WWOX: variants seen among roughly 807,000 people sequenced by gnomAD.
WWOX encodes WW domain containing oxidoreductase.
WWOX carries 69 observed loss-of-function variants against 46.2 expected under a neutral mutation model. The ratio of observed to expected loss-of-function variants is 1.49; its 90% CI spans 1.23 to 1.82. The LOEUF (loss-of-function observed/expected upper bound fraction) is 1.82, where lower values mean the gene tolerates loss of function less well. Ranked by LOEUF, WWOX falls within the 40% of genes most tolerant of loss-of-function variation. The pLI is 0.00. For synonymous variants in WWOX, 359 were observed against 202.6 expected (o/e 1.77, Z -6.56); for missense variants, 919 against 542.6 (o/e 1.69, Z -6.89).
At chr16:79,177,474 C>A (rs1055599569) in intron 8 of WWOX, among the ~76,000 whole-genome samples, 1 of 152,162 alleles carries the variant, frequency 6.6e-6, no homozygotes, top group Non-Finnish European at 1.5e-5. Context: ...AAAAGCAACC[C>A]AACAAAGCTT....
intron 8 of WWOX, among the ~76,000 whole-genome samples, chr16:79,011,935 T>G (rs998260541): frequency 2.0e-5 from 3 of 152,224 alleles, no homozygotes; most frequent in Non-Finnish European, 4.4e-5. Context: ...ATTTCAGGCA[T>G]GAGCCACTGT....
chr16:78,158,984 A>G (rs1322659025), intron 4 of WWOX, among the ~76,000 whole-genome samples: 1 of 151,912 alleles, frequency 6.6e-6, no homozygotes, highest in African/African-American at 2.4e-5. Context: ...TGCCTCTATG[A>G]GTTTGAGTGT....
intron 8 of WWOX, among the ~76,000 whole-genome samples, chr16:78,629,804 C>T (rs2046386504): frequency 6.6e-6 from 1 of 151,574 alleles, no homozygotes; most frequent in Non-Finnish European, 1.5e-5. Context: ...TGAACTCATT[C>T]CAAAAAAGTG....
intron 6 of WWOX, among the ~76,000 whole-genome samples, chr16:78,399,549 A>G (rs916585064): frequency 1.1e-4 from 17 of 152,168 alleles, no homozygotes; most frequent in African/African-American, 1.2e-4. Context: ...AGCCCAGTCT[A>G]TCAAGCCTGC....
chr16:78,159,084 C>T (rs367854570), intron 4 of WWOX, among the ~76,000 whole-genome samples: 1 of 152,064 alleles, frequency 6.6e-6, no homozygotes, highest in African/African-American at 2.4e-5. Context: ...CAGGTTCATC[C>T]ATGTTGTTGC....
At chr16:78,434,251 C>G (rs963842111) in intron 8 of WWOX, among the ~76,000 whole-genome samples, 85 of 152,184 alleles carry the variant, frequency 5.6e-4, no homozygotes, top group African/African-American at 1.9e-3. Flanking sequence ...AGTGAAAGGA[C>G]CTACGGAGAA....
chr16:78,370,799 G>C (rs1464570799), intron 5 of WWOX, among the ~76,000 whole-genome samples: 5 of 136,718 alleles, frequency 3.7e-5, no homozygotes, highest in East Asian at 2.2e-4. Context: ...GGGGGGGGGG[G>C]GGCAATGCAT....
intron 8 of WWOX, among the ~76,000 whole-genome samples, chr16:79,078,899 C>G (rs930052214): frequency 7.9e-5 from 12 of 152,136 alleles, no homozygotes; most frequent in African/African-American, 2.9e-4. Flanking sequence ...TCAATAAATA[C>G]TTCCTTTATT....
chr16:78,751,701 C>G (rs2049484473), intron 8 of WWOX, among the ~76,000 whole-genome samples: 1 of 150,572 alleles, frequency 6.6e-6, no homozygotes, highest in Non-Finnish European at 1.5e-5. Context: ...TACGTAGGTT[C>G]AGTTCCTTAC....
intron 8 of WWOX, among the ~76,000 whole-genome samples, chr16:78,709,336 G>C (rs1041675557): frequency 1.3e-5 from 2 of 152,200 alleles, no homozygotes; most frequent in African/African-American, 4.8e-5. Flanking sequence ...ACAGAGAGAA[G>C]CTTGTTGGAG....
chr16:78,712,887 C>A (rs1002721419), intron 8 of WWOX, among the ~76,000 whole-genome samples: 1 of 151,980 alleles, frequency 6.6e-6, no homozygotes, highest in African/African-American at 2.4e-5. Flanking sequence ...TAATTAGGTT[C>A]TCTGTTTTGG....
At position 79,211,624 on chromosome 16, in the gene WWOX, C is replaced by T. The variant is rs1555547940; in HGVS notation, c.1073C>T (p.Thr358Ile). 6.8e-6 allele frequency: 11 copies of T among 1,614,218 alleles called. No homozygotes were observed. The highest frequency in any genetic ancestry group is 1.3e-5 in the African/African-American group (1 of 75,060). Residue 358 changes from threonine (T) to isoleucine (I), a missense_variant, in exon 9 of 9, where the codon ACC (threonine) becomes ATC (isoleucine). Coordinates refer to ENST00000566780, the MANE Select transcript of WWOX (RefSeq NM_016373.4). ...FTKSMQQGAA[T>I]TVYCAAVPEL... Reference sequence around the variant, plus strand: ...GATTTCCAGCAACAGGGAGCTGCCACCACCGTGTACTGTGCTGCTGTCCCA... The same window carrying T: ...GATTTCCAGCAACAGGGAGCTGCCATCACCGTGTACTGTGCTGCTGTCCCA...
intron 8 of WWOX, among the ~76,000 whole-genome samples, chr16:78,718,179 A>G (rs1466898859): frequency 1.4e-5 from 2 of 139,100 alleles, no homozygotes; most frequent in Non-Finnish European, 3.1e-5. Flanking sequence ...TGCCCAAGTT[A>G]TTATTTTTTA....
intron 8 of WWOX, among the ~76,000 whole-genome samples, chr16:78,721,229 G>T (rs1392013537): frequency 7.4e-6 from 1 of 135,858 alleles, no homozygotes; most frequent in Non-Finnish European, 1.5e-5. Context: ...TAATTGATAT[G>T]CCCCATGTCT....
chr16:78,669,459 A>C (rs1263718444), intron 8 of WWOX, among the ~76,000 whole-genome samples: 1 of 152,242 alleles, frequency 6.6e-6, no homozygotes, highest in Non-Finnish European at 1.5e-5. Flanking sequence ...GGAAGCAGGA[A>C]GAAGTGCTAC....
In WWOX at chr16:78,967,459, GTTTT is replaced by G. The variant is rs57576563; in HGVS notation, c.1057-244130_1057-244127del. On this transcript the variant is annotated intron_variant, in intron 8 of 8. Coordinates refer to ENST00000566780, the MANE Select transcript of WWOX (RefSeq NM_016373.4). Reference sequence around the variant, plus strand: ...CCAACATGCCTGGTTAATTTTTGTGGTTTTTTTTTTTTTTTTTTTTTTCCTGCTG... The same window carrying G: ...CCAACATGCCTGGTTAATTTTTGTGGTTTTTTTTTTTTTTTTTTCCTGCTG... 1.8e-4 allele frequency among the ~76,000 whole-genome samples: 18 copies of G among 98,330 alleles called. 1 individual carries two copies. The highest frequency in any genetic ancestry group is 4.7e-4 in the African/African-American group (12 of 25,444). 64.5% of individuals were successfully genotyped at this position (98,330 alleles called of 152,430 possible). A position where few individuals can be genotyped will look rare whatever the true frequency, so the allele number is the denominator to read the frequency against.
chr16:79,178,469 C>A (rs2050845650), intron 8 of WWOX, among the ~76,000 whole-genome samples: 1 of 152,084 alleles, frequency 6.6e-6, no homozygotes, highest in Non-Finnish European at 1.5e-5. Flanking sequence ...GTGAGCACCA[C>A]CATGCCTGGC....
chr16:78,788,394 T>A lies in WWOX; in HGVS notation c.1056+355642T>A, dbSNP rs111914403. Reference sequence around the variant, plus strand: ...TCTTTCACCTGCCCCAAGGCAGGACTCTAATCTTCCCCACCTTTTTGATTG... The same window carrying A: ...TCTTTCACCTGCCCCAAGGCAGGACACTAATCTTCCCCACCTTTTTGATTG... On this transcript the variant is annotated intron_variant, in intron 8 of 8. Coordinates refer to ENST00000566780, the MANE Select transcript of WWOX (RefSeq NM_016373.4). Among the ~76,000 whole-genome samples, 504 of 152,342 alleles carry A rather than the reference T, an allele frequency of 3.3e-3. 3 individuals carry two copies. The highest frequency in any genetic ancestry group is 5.6e-3 in the Non-Finnish European group (381 of 68,032).
At position 78,548,567 on chromosome 16, in the gene WWOX, C is replaced by T. The variant is rs79435012; in HGVS notation, c.1056+115815C>T. Among the ~76,000 whole-genome samples, 44 of 152,308 alleles carry T rather than the reference C, an allele frequency of 2.9e-4. 1 individual carries two copies. The highest frequency in any genetic ancestry group is 9.9e-4 in the African/African-American group (41 of 41,552). ...TTGGATGAATCATATTTTTAACTTT[C>T]ACTTCCCATCAATTTAAACATCATC... On this transcript the variant is annotated intron_variant, in intron 8 of 8. Coordinates refer to ENST00000566780, the MANE Select transcript of WWOX (RefSeq NM_016373.4).
Sources: gnomAD v4.1 joint callset for allele counts (sites outside exome capture counted in the v4.1 genomes callset) on GRCh38, gnomAD v4.1.1 for gene constraint, MANE v1.5 for transcripts, NCBI Gene and HGNC (gene_info 2026-07-23, HGNC 2026-07-21) for gene names.